The following ENO4 variants were observed in gnomAD, a reference collection of about 807,000 sequenced individuals.
ENO4 encodes the protein 2-phospho-D-glycerate hydro-lyase.
Under a neutral mutation model 63.2 loss-of-function variants are expected in ENO4, and 53 were observed. That is an observed-to-expected ratio of 0.84 (90% confidence interval 0.67 to 1.05). The LOEUF is 1.05. ENO4 is among the 50% of genes least tolerant of loss of function. The pLI, the probability that ENO4 is intolerant of heterozygous loss-of-function variation, is 0.00. For missense variants in ENO4, 719 were observed against 772.0 expected (o/e 0.93, Z 0.81); for synonymous variants, 266 against 283.8 (o/e 0.94, Z 0.63).
At chr10:116,895,073 A>C (rs1847469502) in intron 10 of ENO4, among the ~76,000 whole-genome samples, 2 of 151,770 alleles carry the variant, frequency 1.3e-5, no homozygotes, top group Non-Finnish European at 3.0e-5. Context: ...AAAGGCATAG[A>C]ATAAAGTGGA....
intron 7 of ENO4, among the ~76,000 whole-genome samples, chr10:116,865,379 G>A (rs1347679402): frequency 6.6e-6 from 1 of 152,030 alleles, no homozygotes; most frequent in African/African-American, 2.4e-5. Flanking sequence ...TAGAGACGGG[G>A]TTTCACTGTC....
Position 116,863,948 on chromosome 10 carries a change from C to T in ENO4, c.990+1096C>T, listed in dbSNP as rs538224038. ...CACTCTGCTTTGCCATTCATAACTCCGTGACCTTGGGCCAATTCCATAGTC... is the reference window on the plus strand; with the variant it reads ...CACTCTGCTTTGCCATTCATAACTCTGTGACCTTGGGCCAATTCCATAGTC... On this transcript the variant is annotated intron_variant, in intron 7 of 13. Transcript: ENST00000341276. Among the ~76,000 whole-genome samples, 27 of 152,336 alleles carry T rather than the reference C, an allele frequency of 1.8e-4. 1 individual carries two copies. The South Asian group carries it at 5.6e-3, about 32-fold the overall frequency.
At chr10:116,880,515 A>C (rs1846975529) in intron 13 of ENO4, among the ~76,000 whole-genome samples, 1 of 152,238 alleles carries the variant, frequency 6.6e-6, no homozygotes, top group Admixed American at 6.5e-5. Flanking sequence ...AACACACCAA[A>C]TATGCATTTT....
At chr10:116,905,558 G>C (rs1353204052) in intron 10 of ENO4, among the ~76,000 whole-genome samples, 2 of 151,948 alleles carry the variant, frequency 1.3e-5, no homozygotes, top group Non-Finnish European at 2.9e-5. Context: ...AAGCCACTTT[G>C]GGTTCAAGGA....
chr10:116,858,070 T>A (rs1846316317), intron 3 of ENO4, among the ~76,000 whole-genome samples: 1 of 152,154 alleles, frequency 6.6e-6, no homozygotes, highest in Non-Finnish European at 1.5e-5. Flanking sequence ...CTCAGTTACA[T>A]CTTGTATTTT....
chr10:116,905,449 T>C (rs1378932550), intron 10 of ENO4, among the ~76,000 whole-genome samples: 11 of 152,204 alleles, frequency 7.2e-5, no homozygotes, highest in Admixed American at 5.9e-4. Context: ...AAGATTTTAA[T>C]ACCAGAACTT....
intron 10 of ENO4, among the ~76,000 whole-genome samples, chr10:116,909,207 A>G (rs1848092489): frequency 6.6e-6 from 1 of 152,188 alleles, no homozygotes; most frequent in Non-Finnish European, 1.5e-5. Context: ...TAGATTTCCC[A>G]AGTCCCAAAC....
intron 10 of ENO4, chr10:116,908,052 T>C: frequency 2.3e-6 from 1 of 432,962 alleles, no homozygotes; most frequent in South Asian, 1.7e-5. Context: ...AATCTCATAA[T>C]TAACCTCTAT....
At chr10:116,899,530 TGTGTGTGTGTGTGTGTGAGA>T (rs1178414712) in intron 10 of ENO4, among the ~76,000 whole-genome samples, 15 of 87,034 alleles carry the variant, frequency 1.7e-4, no homozygotes, top group Non-Finnish European at 4.1e-4. Context: ...TGTGTGTGTG[TGTGTGTGTGTGTGTGTGAGA>T]GAGTGCATGC....
intron 10 of ENO4, among the ~76,000 whole-genome samples, chr10:116,898,713 TTTTCC>T (rs771819758): frequency 2.6e-5 from 4 of 152,160 alleles, no homozygotes; most frequent in Non-Finnish European, 4.4e-5. Flanking sequence ...CCTGATTATC[TTTTCC>T]TTTCTTTTTC....
At chr10:116,901,627 C>T in intron 10 of ENO4, 1 of 1,356,612 alleles carries the variant, frequency 7.4e-7, no homozygotes, top group Non-Finnish European at 9.4e-7. Flanking sequence ...AAAAAGCTGG[C>T]CCATCAAATG....
chr10:116,860,351 C>G (rs1434630742), intron 4 of ENO4, among the ~76,000 whole-genome samples: 1 of 152,178 alleles, frequency 6.6e-6, no homozygotes, highest in East Asian at 1.9e-4. Context: ...GTGAGAAAGA[C>G]AGCAAGTTAG....
chr10:116,876,341 C>G, intron 11 of ENO4, 81 bp downstream of exon 11: 1 of 1,101,780 alleles, frequency 9.1e-7, no homozygotes. Context: ...ATCAAAGTTA[C>G]TAAAAAGCAT....
At chr10:116,852,271 A>C (rs1354194529) in intron 1 of ENO4, among the ~76,000 whole-genome samples, 1 of 152,204 alleles carries the variant, frequency 6.6e-6, no homozygotes, top group East Asian at 1.9e-4. Context: ...TCCTTTATAA[A>C]TTACCCAGTC....
chr10:116,875,146 T>C (rs1008329936), intron 10 of ENO4, among the ~76,000 whole-genome samples: 5 of 152,224 alleles, frequency 3.3e-5, no homozygotes, highest in Non-Finnish European at 5.9e-5. Flanking sequence ...AACAGATATA[T>C]TGAACAGATA....
Position 116,861,236 on chromosome 10 carries a change from A to ATAT in ENO4, c.936+46_936+47insTAT, listed in dbSNP as rs1554900882. On this transcript the variant is annotated intron_variant, in intron 6 of 13. Coordinates refer to ENST00000341276, the MANE Select transcript of ENO4 (RefSeq NM_001242699.2). ...TTACCTTTTCTAAAAAAAAAAAAAAAATATATATATATATATATATACTCC... is the reference window on the plus strand; with the variant it reads ...TTACCTTTTCTAAAAAAAAAAAAAAATATATATATATATATATATATATACTCC... 1,375 of 167,570 alleles carry ATAT rather than the reference A, an allele frequency of 8.2e-3. 4 individuals carry two copies. The highest frequency in any genetic ancestry group is 0.016 in the South Asian group (63 of 3,970). The allele number at this position is 167,570 out of a possible 1,614,324, so 10.4% of individuals were successfully genotyped here.
At chr10:116,907,978 A>C (rs2133339675) in intron 10 of ENO4, 1 of 494,768 alleles carries the variant, frequency 2.0e-6, no homozygotes, top group Non-Finnish European at 4.0e-6. Context: ...TTTTTACAAG[A>C]AGCCTTGTTT....
Position 116,881,940 on chromosome 10 carries a change from A to G in ENO4, c.*271A>G. 3.3e-6 allele frequency: 1 copy of G among 302,876 alleles called. No homozygotes were observed. Among genetic ancestry groups the G allele is most frequent in the Non-Finnish European group, 6.0e-6 (1 of 166,564 alleles). 18.8% of individuals were successfully genotyped at this position (302,876 alleles called of 1,614,324 possible). A position where few individuals can be genotyped will look rare whatever the true frequency, so the allele number is the denominator to read the frequency against. On this transcript the variant is annotated 3_prime_UTR_variant, in exon 14 of 14. Coordinates refer to ENST00000341276, the MANE Select transcript of ENO4 (RefSeq NM_001242699.2). ...ATTTTTCAGGGACACGCTCCAGTAAAAGAGGCCAATATTTTTGTTGCCAAC... is the reference window on the plus strand; with the variant it reads ...ATTTTTCAGGGACACGCTCCAGTAAGAGAGGCCAATATTTTTGTTGCCAAC...
At position 116,879,888 on chromosome 10, in the gene ENO4, G is replaced by A. The variant is rs1404776625; in HGVS notation, c.1625G>A (p.Arg542Gln). The change falls in exon 13 of 14, where the codon CGG becomes CAG. Residue 542 changes from arginine (R) to glutamine (Q), a missense_variant. Physicochemically the swap from Arg to Gln is conservative, Grantham distance 43. Coordinates refer to ENST00000341276, the MANE Select transcript of ENO4 (RefSeq NM_001242699.2). Reference protein sequence around the residue: ...LVDLAVGLGVRFIKLGGLSRG... With the variant: ...LVDLAVGLGVQFIKLGGLSRG... ...TTTCAGGCTGTTGGGCTTGGTGTCC[G>A]GTTCATCAAGTTGGGGGGTCTTTCC... is the stretch of plus-strand genomic sequence containing the variant. The A allele has an allele frequency of 8.4e-6, 13 of 1,550,170 alleles. No individual in the cohort carries two copies. The highest frequency in any genetic ancestry group is 1.2e-5 in the South Asian group (1 of 83,922).
Sources: allele counts gnomAD v4.1 joint callset (sites outside exome capture counted in the v4.1 genomes callset), GRCh38; gene constraint gnomAD v4.1.1; transcripts MANE v1.5; gene names NCBI Gene and HGNC (gene_info 2026-07-23, HGNC 2026-07-21).